CTDSPL2: variants seen among roughly 807,000 people sequenced by gnomAD.
CTDSPL2 encodes CTD small phosphatase-like protein 2.
A neutral mutation model predicts 60.0 loss-of-function variants in CTDSPL2; 5 were observed. The ratio of observed to expected loss-of-function variants is 0.08; its 90% CI spans 0.04 to 0.18. The LOEUF (loss-of-function observed/expected upper bound fraction) is 0.18, where lower values mean the gene tolerates loss of function less well. Among genes scored for constraint, CTDSPL2 ranks in the 10% least tolerant of loss-of-function variants. CTDSPL2 has a pLI of 1.00. For synonymous variants in CTDSPL2, 186 were observed against 189.3 expected (o/e 0.98, Z 0.14); for missense variants, 370 against 548.8 (o/e 0.67, Z 3.26).
intron 1 of CTDSPL2, among the ~76,000 whole-genome samples, chr15:44,437,165 T>G (rs1344025246): frequency 6.6e-6 from 1 of 152,222 alleles, no homozygotes; most frequent in Non-Finnish European, 1.5e-5. Context: ...ACTTGGATTT[T>G]GGGGCATTTC....
chr15:44,464,405 C>G (rs889791933), intron 2 of CTDSPL2, among the ~76,000 whole-genome samples: 7 of 152,194 alleles, frequency 4.6e-5, no homozygotes, highest in African/African-American at 1.7e-4. Flanking sequence ...ACACTCCTAA[C>G]CACTGTATAC....
At chr15:44,476,781 T>C (rs771251512) in intron 2 of CTDSPL2, among the ~76,000 whole-genome samples, 2 of 152,212 alleles carry the variant, frequency 1.3e-5, no homozygotes, top group Non-Finnish European at 2.9e-5. Context: ...CTAAAGATGC[T>C]TTTCTCAAAA....
intron 8 of CTDSPL2, among the ~76,000 whole-genome samples, chr15:44,507,939 T>C (rs1206151348): frequency 6.6e-6 from 1 of 152,200 alleles, no homozygotes; most frequent in Non-Finnish European, 1.5e-5. Flanking sequence ...GATGTAGATA[T>C]TGTTGTTATA....
At chr15:44,487,590 G>A (rs995346924) in intron 4 of CTDSPL2, among the ~76,000 whole-genome samples, 1 of 152,234 alleles carries the variant, frequency 6.6e-6, no homozygotes, top group Non-Finnish European at 1.5e-5. Context: ...GGTAGAAGGA[G>A]CAGCATGCGT....
chr15:44,518,186 T>C (rs1246220507), intron 10 of CTDSPL2, among the ~76,000 whole-genome samples: 1 of 152,216 alleles, frequency 6.6e-6, no homozygotes, highest in Non-Finnish European at 1.5e-5. Flanking sequence ...AAATAGGTCC[T>C]AGATTTTGTA....
At chr15:44,457,229 T>C (rs2080466422) in intron 1 of CTDSPL2, among the ~76,000 whole-genome samples, 1 of 152,208 alleles carries the variant, frequency 6.6e-6, no homozygotes. Flanking sequence ...CTAGATGGCA[T>C]CTGTTTCCAG....
At chr15:44,488,434 T>G (rs1432382829) in intron 4 of CTDSPL2, among the ~76,000 whole-genome samples, 1 of 152,124 alleles carries the variant, frequency 6.6e-6, no homozygotes, top group Non-Finnish European at 1.5e-5. Flanking sequence ...AGTAGAAGAT[T>G]CAAGGAAAAT....
intron 2 of CTDSPL2, among the ~76,000 whole-genome samples, chr15:44,468,798 A>G (rs1595728993): frequency 6.6e-6 from 1 of 152,294 alleles, no homozygotes; most frequent in South Asian, 2.1e-4. Flanking sequence ...AAAATATTAA[A>G]TGGGAAATTT....
intron 10 of CTDSPL2, among the ~76,000 whole-genome samples, chr15:44,515,827 C>T (rs888212810): frequency 3.3e-5 from 5 of 151,394 alleles, no homozygotes; most frequent in African/African-American, 7.3e-5. Flanking sequence ...GAGCCGAGAT[C>T]GTGCCGTTGC....
chr15:44,444,013 C>A (rs931719398), intron 1 of CTDSPL2, among the ~76,000 whole-genome samples: 1 of 151,864 alleles, frequency 6.6e-6, no homozygotes, highest in Non-Finnish European at 1.5e-5. Context: ...AGGGATCCTC[C>A]CACCTCAGCT....
intron 4 of CTDSPL2, 134 bp downstream of exon 4, chr15:44,486,834 G>A (rs1324143432): frequency 2.5e-5 from 14 of 556,038 alleles, no homozygotes; most frequent in East Asian, 1.4e-4. Flanking sequence ...CGATCTCCCC[G>A]CTCACTGCAG....
At chr15:44,501,971 C>G (rs1367633113) in intron 8 of CTDSPL2, 4 of 455,048 alleles carry the variant, frequency 8.8e-6, no homozygotes, top group African/African-American at 8.0e-5. Context: ...GTGGTGTTGT[C>G]TCCATCTACT....
rs551432944 is a variant in CTDSPL2, at chr15:44,496,420, G to A, written c.732G>A (p.Ala244=). Residue 244 remains alanine, a synonymous_variant, in exon 6 of 13, where the codon GCG becomes GCA. Transcript: ENST00000260327. ...TPDSGYSSAH[A]EATYEEDWEV... is the part of the protein sequence containing the mutation. ...ATAGTGGTTATTCATCAGCCCACGC[G>A]GAGGCCACCTATGAAGAAGACTGGG... is the stretch of plus-strand genomic sequence containing the variant. 3.2e-5 allele frequency: 52 copies of A among 1,613,836 alleles called. 1 individual carries two copies. In the South Asian group the frequency reaches 4.7e-4, roughly 15 times the overall value.
intron 2 of CTDSPL2, among the ~76,000 whole-genome samples, chr15:44,463,084 G>T (rs1463554294): frequency 6.6e-6 from 1 of 152,048 alleles, no homozygotes; most frequent in Non-Finnish European, 1.5e-5. Context: ...TTTCATTAAT[G>T]CCTCATTACT....
chr15:44,514,935 G>T (rs1220940406), intron 10 of CTDSPL2, 91 bp downstream of exon 10: 5 of 764,146 alleles, frequency 6.5e-6, no homozygotes, highest in Non-Finnish European at 2.2e-6. Flanking sequence ...TTTTCAGTTG[G>T]CTGCATATGT....
At position 44,499,032 on chromosome 15, in the gene CTDSPL2, G is replaced by A. The variant is rs1381510005; in HGVS notation, c.883-695G>A. Reference sequence around the variant, plus strand: ...TTGTAAAAAAGTAGCATGCATGTGGGTTTAACTGAAAGTTGGCAACTGCAG... The same window carrying A: ...TTGTAAAAAAGTAGCATGCATGTGGATTTAACTGAAAGTTGGCAACTGCAG... On this transcript the variant is annotated intron_variant, in intron 7 of 12. Coordinates refer to ENST00000260327, the MANE Select transcript of CTDSPL2 (RefSeq NM_016396.3). 3.3e-5 allele frequency among the ~76,000 whole-genome samples: 5 copies of A among 152,134 alleles called. No individual in the cohort carries two copies. The South Asian group carries it at 6.2e-4, about 19-fold the overall frequency.
intron 2 of CTDSPL2, among the ~76,000 whole-genome samples, chr15:44,478,275 G>A (rs1217600006): frequency 6.6e-6 from 1 of 150,896 alleles, no homozygotes; most frequent in Non-Finnish European, 1.5e-5. Flanking sequence ...TGGTGAAACC[G>A]TCTCTACTAA....
chr15:44,507,884 G>T (rs1051377968), intron 8 of CTDSPL2, among the ~76,000 whole-genome samples: 1 of 152,026 alleles, frequency 6.6e-6, no homozygotes, highest in Non-Finnish European at 1.5e-5. Context: ...ACTGTTCTAG[G>T]TACTTTACGT....
At chr15:44,512,917 C>A (rs1405732150) in intron 8 of CTDSPL2, among the ~76,000 whole-genome samples, 1 of 151,488 alleles carries the variant, frequency 6.6e-6, no homozygotes, top group Admixed American at 6.6e-5. Context: ...ACTAAAAATA[C>A]AAAAATTAGC....
Sources: gnomAD v4.1 joint callset for allele counts (sites outside exome capture counted in the v4.1 genomes callset) on GRCh38, gnomAD v4.1.1 for gene constraint, MANE v1.5 for transcripts, NCBI Gene and HGNC (gene_info 2026-07-23, HGNC 2026-07-21) for gene names.